The following SIPA1L1 variants were observed in gnomAD, a reference collection of about 807,000 sequenced individuals.
The protein encoded by SIPA1L1 is signal-induced proliferation-associated 1-like protein 1.
In SIPA1L1, 26 loss-of-function variants were observed where a neutral mutation model predicts 162.7. That is an observed-to-expected ratio of 0.16 (90% CI 0.12 to 0.22). SIPA1L1 has a LOEUF of 0.22. Ranked by LOEUF, SIPA1L1 falls within the 10% of genes least tolerant of loss-of-function variation. The pLI is 1.00. For synonymous variants in SIPA1L1, 829 were observed against 837.4 expected (o/e 0.99, Z 0.17); for missense variants, 1,874 against 2,241.0 (o/e 0.84, Z 3.31).
chr14:71,534,578 T>A (rs774307964), intron 4 of SIPA1L1, among the ~76,000 whole-genome samples: 5 of 152,256 alleles, frequency 3.3e-5, no homozygotes, highest in Non-Finnish European at 5.9e-5. Context: ...ACCTCATTTT[T>A]AAAAAAAATT....
In SIPA1L1 at chr14:71,619,344, G is replaced by T. The variant is rs1322634664; in HGVS notation, c.1629+457G>T. ...AGAAGAAGGAGGGAAAGAGATTCTT[G>T]ACTTCTTCCACTATCTTTGGGACCC... On this transcript the variant is annotated intron_variant, in intron 6 of 23. Coordinates refer to ENST00000381232, the MANE Select transcript of SIPA1L1 (RefSeq NM_001386936.1). 2.0e-5 allele frequency among the ~76,000 whole-genome samples: 3 copies of T among 152,126 alleles called. No individual in the cohort carries two copies. The East Asian group carries it at 5.8e-4, about 30-fold the overall frequency.
chr14:71,522,329 T>G (rs1031513395), intron 3 of SIPA1L1, among the ~76,000 whole-genome samples: 1 of 152,220 alleles, frequency 6.6e-6, no homozygotes, highest in African/African-American at 2.4e-5. Flanking sequence ...TCTTGTTTGC[T>G]GGCCTTTCTG....
At chr14:71,727,622 C>T (rs995785144) in intron 19 of SIPA1L1, among the ~76,000 whole-genome samples, 15 of 152,248 alleles carry the variant, frequency 9.9e-5, no homozygotes, top group Admixed American at 3.9e-4. Context: ...GCCCCCTTCT[C>T]GAATGTCCTC....
At chr14:71,593,971 C>T (rs144460652) in intron 5 of SIPA1L1, among the ~76,000 whole-genome samples, 45 of 152,294 alleles carry the variant, frequency 3.0e-4, no homozygotes, top group Non-Finnish European at 5.4e-4. Flanking sequence ...TTTCCCATTC[C>T]TTAAAAGAGG....
chr14:71,664,037 G>A (rs1354702644), intron 10 of SIPA1L1, among the ~76,000 whole-genome samples: 1 of 152,194 alleles, frequency 6.6e-6, no homozygotes, highest in Admixed American at 6.5e-5. Flanking sequence ...CAGGTATGTG[G>A]TGATGTCAGG....
intron 15 of SIPA1L1, chr14:71,704,945 GA>G: frequency 1.6e-6 from 1 of 643,354 alleles, no homozygotes; most frequent in Non-Finnish European, 2.8e-6. Context: ...AGTTGATTCT[GA>G]ACTTTGCTGC....
intron 5 of SIPA1L1, among the ~76,000 whole-genome samples, chr14:71,597,127 G>A (rs759884047): frequency 6.6e-6 from 1 of 151,562 alleles, no homozygotes; most frequent in Non-Finnish European, 1.5e-5. Flanking sequence ...GCATCATCAC[G>A]CCTGGCTAAT....
At chr14:71,736,744 A>G (rs1262081274) in intron 22 of SIPA1L1, among the ~76,000 whole-genome samples, 1 of 152,200 alleles carries the variant, frequency 6.6e-6, no homozygotes, top group Non-Finnish European at 1.5e-5. Context: ...AACAGAGAGA[A>G]GTGTGAGTGA....
Position 71,579,175 on chromosome 14 carries a change from G to A in SIPA1L1, c.-302-8396G>A, listed in dbSNP as rs571987710. Among the ~76,000 whole-genome samples, 12 of 152,284 alleles carry A rather than the reference G, an allele frequency of 7.9e-5. No homozygotes were observed. In the East Asian group the frequency reaches 2.3e-3, roughly 29 times the overall value. On this transcript the variant is annotated intron_variant, in intron 4 of 23. Transcript: ENST00000381232. The stretch of plus-strand genomic sequence containing the variant: ...TTTATGATCTTTCTGTGCATAAGTT[G>A]TGATACATTTTAGCTCCTTAAGTAG...
chr14:71,590,008 TTGAG>T (rs1286863688), intron 5 of SIPA1L1, among the ~76,000 whole-genome samples: 9 of 136,484 alleles, frequency 6.6e-5, no homozygotes, highest in African/African-American at 2.5e-4. Flanking sequence ...AATCTTTTCT[TTGAG>T]TGGGAGAGTA....
chr14:71,658,233 T>A, intron 8 of SIPA1L1, 100 bp from the exon 9 acceptor site: 1 of 680,300 alleles, frequency 1.5e-6, no homozygotes. Flanking sequence ...TCATCCTAAA[T>A]CATTTTCTTT....
intron 13 of SIPA1L1, among the ~76,000 whole-genome samples, chr14:71,696,909 T>A (rs540175823): frequency 6.6e-6 from 1 of 152,316 alleles, no homozygotes. Context: ...GAAGAAGGCA[T>A]TCCAGGCAGA....
At chr14:71,538,251 C>T (rs368632308) in intron 4 of SIPA1L1, among the ~76,000 whole-genome samples, 55 of 152,156 alleles carry the variant, frequency 3.6e-4, no homozygotes, top group African/African-American at 1.2e-3. Flanking sequence ...TTGGTCCCAG[C>T]GAGGTGATTT....
chr14:71,521,785 AAG>A (rs2052381215), intron 3 of SIPA1L1, among the ~76,000 whole-genome samples: 1 of 152,202 alleles, frequency 6.6e-6, no homozygotes, highest in Admixed American at 6.5e-5. Context: ...CCAAAGGTGT[AAG>A]AGAGTCCCAT....
intron 14 of SIPA1L1, among the ~76,000 whole-genome samples, chr14:71,699,825 G>A (rs1037457509): frequency 6.6e-6 from 1 of 152,196 alleles, no homozygotes; most frequent in East Asian, 1.9e-4. Context: ...CTGTCAGCCT[G>A]CCCTGGAAAG....
chr14:71,466,835 G>A (rs549167345), intron 2 of SIPA1L1, among the ~76,000 whole-genome samples: 1 of 152,256 alleles, frequency 6.6e-6, no homozygotes, highest in South Asian at 2.1e-4. Context: ...CAGAACCAAT[G>A]TAATGGCATT....
At chr14:71,520,168 C>A (rs566933737) in intron 3 of SIPA1L1, among the ~76,000 whole-genome samples, 1 of 152,046 alleles carries the variant, frequency 6.6e-6, no homozygotes, top group South Asian at 2.1e-4. Context: ...TGATGAGGTA[C>A]CAGATATTTA....
chr14:71,701,327 C>T (rs947448860), intron 14 of SIPA1L1, among the ~76,000 whole-genome samples: 7 of 151,962 alleles, frequency 4.6e-5, no homozygotes, highest in Admixed American at 3.3e-4. Flanking sequence ...CTCAAGCCAT[C>T]CTCCCACCTC....
At chr14:71,362,216 AGTTTT>A (rs1446599834) in intron 2 of SIPA1L1, among the ~76,000 whole-genome samples, 4 of 152,240 alleles carry the variant, frequency 2.6e-5, no homozygotes, top group Non-Finnish European at 1.5e-5. Flanking sequence ...AATCAGAGAT[AGTTTT>A]AATGCCCTTG....
Sources: allele counts gnomAD v4.1 joint callset (sites outside exome capture counted in the v4.1 genomes callset), GRCh38; gene constraint gnomAD v4.1.1; transcripts MANE v1.5; gene names NCBI Gene and HGNC (gene_info 2026-07-23, HGNC 2026-07-21).